The following UGT8 variants were observed in gnomAD, a reference collection of about 807,000 sequenced individuals.
UGT8 encodes the protein UDP glycosyltransferase 8, also known as 2-hydroxyacylsphingosine 1-beta-galactosyltransferase.
A neutral mutation model predicts 40.5 loss-of-function variants in UGT8; 12 were observed. That is an observed-to-expected ratio of 0.30 (90% CI 0.19 to 0.48). The LOEUF is 0.48. UGT8 is among the 20% of genes least tolerant of loss of function. UGT8 has a pLI of 0.99. For missense variants in UGT8, 513 were observed against 648.7 expected (o/e 0.79, Z 2.27); for synonymous variants, 224 against 240.4 (o/e 0.93, Z 0.63).
Position 114,665,747 on chromosome 4 carries a change from G to A in UGT8, c.1033G>A (p.Asp345Asn), listed in dbSNP as rs1048000224. Reference protein sequence around the residue: ...TKLIEWLPQNDLLGHSKIKAF... With the variant: ...TKLIEWLPQNNLLGHSKIKAF... ...ACTCATAGAATGGTTACCACAAAATGACCTGCTTGGTAAGTCAATGATGTG... is the reference window on the plus strand; with the variant it reads ...ACTCATAGAATGGTTACCACAAAATAACCTGCTTGGTAAGTCAATGATGTG... The change falls in exon 4 of 6, where the codon GAC becomes AAC. Residue 345 changes from aspartate to asparagine, a missense_variant. Around this residue, in one of 3 missense-constraint regions of UGT8, gnomAD observed 335 missense variants for 444.8 expected, o/e 0.75. Coordinates refer to ENST00000310836, the MANE Select transcript of UGT8 (RefSeq NM_001128174.3). 3.1e-6 allele frequency: 5 copies of A among 1,607,674 alleles called. No individual in the cohort carries two copies. The highest frequency in any genetic ancestry group is 3.4e-5 in the Admixed American group (2 of 58,970).
In UGT8 at chr4:114,664,092, A is replaced by G; in HGVS notation, c.920A>G (p.Lys307Arg). The G allele has an allele frequency of 6.2e-7, 1 of 1,614,092 alleles. No homozygotes were observed. The highest frequency in any genetic ancestry group is 1.1e-5 in the South Asian group (1 of 91,082). Residue 307 changes from lysine (K) to arginine (R), a missense_variant, in exon 3 of 6, where the codon AAA (lysine) becomes AGA (arginine). Lys to Arg is a conservative substitution (Grantham distance 26). Around this residue, in one of 3 missense-constraint regions of UGT8, gnomAD observed 335 missense variants for 444.8 expected, o/e 0.75. Transcript: ENST00000310836. ...TATCTGTCAGAAGACATTGCTAACAAACTGGCAGGAGCTCTGGGGAGATTG... is the reference window on the plus strand; with the variant it reads ...TATCTGTCAGAAGACATTGCTAACAGACTGGCAGGAGCTCTGGGGAGATTG... ...VKYLSEDIAN[K>R]LAGALGRLPQ...
At chr4:114,668,517 G>T (rs1735035375) in intron 5 of UGT8, among the ~76,000 whole-genome samples, 1 of 152,168 alleles carries the variant, frequency 6.6e-6, no homozygotes, top group African/African-American at 2.4e-5. Flanking sequence ...ATAATATTCT[G>T]CAAGGATCTT....
At chr4:114,614,748 TAG>T in intron 1 of UGT8, among the ~76,000 whole-genome samples, 1 of 152,126 alleles carries the variant, frequency 6.6e-6, no homozygotes, top group Non-Finnish European at 1.5e-5. Flanking sequence ...TTTGAAAATC[TAG>T]AGTTACTTAT....
intron 2 of UGT8, among the ~76,000 whole-genome samples, chr4:114,658,072 G>A (rs140433851): frequency 3.0e-4 from 46 of 152,338 alleles, no homozygotes; most frequent in African/African-American, 1.1e-3. Context: ...TATATTAGCA[G>A]TAGTCAGAGA....
chr4:114,622,712 G>GT (rs1463988321), intron 1 of UGT8, 167 bp from the exon 2 acceptor site: 6 of 599,444 alleles, frequency 1.0e-5, no homozygotes, highest in African/African-American at 3.8e-5. Context: ...TTTTTCATGT[G>GT]TTTTTTGGCT....
intron 2 of UGT8, among the ~76,000 whole-genome samples, chr4:114,646,389 A>G: frequency 6.6e-6 from 1 of 152,012 alleles, no homozygotes; most frequent in East Asian, 1.9e-4. Context: ...CTATATCTAT[A>G]TATATATGCA....
Position 114,663,707 on chromosome 4 carries a change from A to G in UGT8, c.823-288A>G, listed in dbSNP as rs118108932. ...TGAACATGCATCAGTTGTCATTTCC[A>G]ATTTTTGACCTTTTTCTGAGATTTT... On this transcript the variant is annotated intron_variant, in intron 2 of 5. Transcript: ENST00000310836. 484 of 985,038 alleles carry G rather than the reference A, an allele frequency of 4.9e-4. 13 individuals carry two copies. The East Asian group carries it at 0.045, about 91-fold the overall frequency. The allele number at this position is 985,038 out of a possible 1,614,324, so 61.0% of individuals were successfully genotyped here.
chr4:114,644,247 G>C (rs887083392), intron 2 of UGT8, among the ~76,000 whole-genome samples: 1 of 152,160 alleles, frequency 6.6e-6, no homozygotes, highest in Non-Finnish European at 1.5e-5. Context: ...CATGTGTAGA[G>C]TGCTATAATT....
rs371920382 is a variant in UGT8, at chr4:114,649,254, C to T, written c.823-14741C>T. Among the ~76,000 whole-genome samples the T allele has an allele frequency of 3.3e-5, 5 of 152,084 alleles. No individual in the cohort carries two copies. In the East Asian group the frequency reaches 7.7e-4, roughly 23 times the overall value. ...CATTGCAGTCCTTCTCAAACCTGCA[C>T]ACCACAGAGGAATCAGTTTGCCTAT... On this transcript the variant is annotated intron_variant, in intron 2 of 5. Transcript: ENST00000310836.
intron 2 of UGT8, among the ~76,000 whole-genome samples, chr4:114,657,139 T>C (rs1355743793): frequency 6.6e-6 from 1 of 152,042 alleles, no homozygotes; most frequent in Admixed American, 6.6e-5. Flanking sequence ...TTTTTCTATC[T>C]CGTGGTTACT....
intron 2 of UGT8, among the ~76,000 whole-genome samples, chr4:114,657,970 T>G (rs1354976441): frequency 6.6e-6 from 1 of 152,190 alleles, no homozygotes; most frequent in Admixed American, 6.5e-5. Context: ...AACAAATCAG[T>G]GAAAACAATG....
Position 114,651,340 on chromosome 4 carries a change from A to G in UGT8, c.823-12655A>G, listed in dbSNP as rs192910111. On this transcript the variant is annotated intron_variant, in intron 2 of 5. Coordinates refer to ENST00000310836, the MANE Select transcript of UGT8 (RefSeq NM_001128174.3). Reference sequence around the variant, plus strand: ...CGATTGGCTCTTTCCATTTTTCCACAATTGGGAATACTTCAAGTGTTCTTT... The same window carrying G: ...CGATTGGCTCTTTCCATTTTTCCACGATTGGGAATACTTCAAGTGTTCTTT... 3.7e-3 allele frequency among the ~76,000 whole-genome samples: 556 copies of G among 152,232 alleles called. 8 individuals are homozygous for G. Among genetic ancestry groups the G allele is most frequent in the Non-Finnish European group, 5.8e-3 (396 of 67,984 alleles).
chr4:114,653,720 G>T (rs1189667760), intron 2 of UGT8, among the ~76,000 whole-genome samples: 2 of 152,054 alleles, frequency 1.3e-5, no homozygotes, highest in Non-Finnish European at 2.9e-5. Context: ...AATTTACAGA[G>T]ATTTAATATA....
At chr4:114,614,728 T>A (rs910358358) in intron 1 of UGT8, among the ~76,000 whole-genome samples, 17 of 152,204 alleles carry the variant, frequency 1.1e-4, no homozygotes, top group Admixed American at 4.6e-4. Flanking sequence ...AATTTAGTAA[T>A]GTGGAGGATT....
At chr4:114,629,982 T>C (rs1732472084) in intron 2 of UGT8, among the ~76,000 whole-genome samples, 1 of 152,222 alleles carries the variant, frequency 6.6e-6, no homozygotes, top group African/African-American at 2.4e-5. Context: ...AAATGACAAA[T>C]TTCTCAATTA....
At position 114,625,466 on chromosome 4, in the gene UGT8, A is replaced by G. The variant is rs532452478; in HGVS notation, c.822+1764A>G. Among the ~76,000 whole-genome samples, 6 of 145,442 alleles carry G rather than the reference A, an allele frequency of 4.1e-5. No homozygotes were observed. The South Asian group carries it at 1.3e-3, about 32-fold the overall frequency. On this transcript the variant is annotated intron_variant, in intron 2 of 5. Transcript: ENST00000310836. The stretch of plus-strand genomic sequence containing the variant: ...GTCGAGGCCGCAGTGAGCTGAGATC[A>G]CACCACTACACTCCAGCCTAGGTGT...
intron 5 of UGT8, among the ~76,000 whole-genome samples, chr4:114,673,557 A>T (rs1578476256): frequency 6.6e-6 from 1 of 152,220 alleles, no homozygotes; most frequent in South Asian, 2.1e-4. Context: ...TGAGTTAATA[A>T]TTTATTCAAG....
At chr4:114,614,096 A>C (rs1731248485) in intron 1 of UGT8, among the ~76,000 whole-genome samples, 1 of 152,190 alleles carries the variant, frequency 6.6e-6, no homozygotes, top group Non-Finnish European at 1.5e-5. Flanking sequence ...GCTATCACTG[A>C]TAAGCGAATA....
chr4:114,624,893 C>G (rs1732094205), intron 2 of UGT8, among the ~76,000 whole-genome samples: 2 of 152,146 alleles, frequency 1.3e-5, no homozygotes, highest in Non-Finnish European at 2.9e-5. Context: ...TCTCTGACGT[C>G]AACTGTAAAG....
Sources: allele counts gnomAD v4.1 joint callset (sites outside exome capture counted in the v4.1 genomes callset), GRCh38; gene constraint gnomAD v4.1.1; regional missense constraint gnomAD v4.1.1; transcripts MANE v1.5; gene names NCBI Gene and HGNC (gene_info 2026-07-23, HGNC 2026-07-21).